PAM: variants seen among roughly 807,000 people sequenced by gnomAD.
The protein encoded by PAM is peptidylglycine alpha-amidating monooxygenase, also known as peptidyl-glycine alpha-amidating monooxygenase.
PAM carries 72 observed loss-of-function variants against 122.1 expected under a neutral mutation model. That is an observed-to-expected ratio of 0.59 (90% CI 0.49 to 0.72). The LOEUF (loss-of-function observed/expected upper bound fraction) is 0.72, where lower values mean the gene tolerates loss of function less well. Ranked by LOEUF, PAM falls within the 30% of genes least tolerant of loss-of-function variation. The pLI is 0.00. For synonymous variants in PAM, 389 were observed against 404.4 expected (o/e 0.96, Z 0.46); for missense variants, 1,106 against 1,183.7 (o/e 0.93, Z 0.96).
At chr5:102,893,822 GTAA>G (rs1795409929) in intron 3 of PAM, among the ~76,000 whole-genome samples, 1 of 151,722 alleles carries the variant, frequency 6.6e-6, no homozygotes, top group South Asian at 2.1e-4. Context: ...TGGAGTCTGT[GTAA>G]TATCAACATT....
chr5:102,861,465 G>T (rs771876951), intron 1 of PAM, among the ~76,000 whole-genome samples: 2 of 152,188 alleles, frequency 1.3e-5, no homozygotes, highest in African/African-American at 4.8e-5. Context: ...TAGCTAGCCT[G>T]TAATCTTCCA....
chr5:103,005,556 A>G (rs1311405068), intron 18 of PAM, among the ~76,000 whole-genome samples: 1 of 152,164 alleles, frequency 6.6e-6, no homozygotes, highest in Non-Finnish European at 1.5e-5. Context: ...GGCCAGAGAG[A>G]TAAGAGTGAC....
At chr5:102,924,886 C>T in intron 5 of PAM, 71 bp from the exon 6 acceptor site, 2 of 831,238 alleles carry the variant, frequency 2.4e-6, no homozygotes, top group East Asian at 2.4e-5. Flanking sequence ...CCCATCACCT[C>T]CCACCATGGG....
At chr5:103,022,001 G>A (rs1272368222) in intron 23 of PAM, among the ~76,000 whole-genome samples, 1 of 151,510 alleles carries the variant, frequency 6.6e-6, no homozygotes, top group East Asian at 1.9e-4. Context: ...AATTTCAGAT[G>A]ATAAAAAAAA....
At chr5:102,841,933 G>A (rs1018975861) in intron 1 of PAM, among the ~76,000 whole-genome samples, 4 of 152,066 alleles carry the variant, frequency 2.6e-5, no homozygotes, top group African/African-American at 7.2e-5. Context: ...AAATTTATAG[G>A]TAAGTAGCAT....
chr5:102,792,062 T>C (rs1238871774), intron 1 of PAM, among the ~76,000 whole-genome samples: 1 of 152,118 alleles, frequency 6.6e-6, no homozygotes, highest in Non-Finnish European at 1.5e-5. Flanking sequence ...TACAGCAGAG[T>C]GTTTGACAAA....
Position 102,845,238 on chromosome 5 carries a change from G to C in PAM, c.-373-20585G>C, listed in dbSNP as rs541763318. On this transcript the variant is annotated intron_variant, in intron 1 of 25. Transcript: ENST00000438793. ...TAGGATGCTGCACATGAGATGAGAG[G>C]AGGGGCACATGAAATGAGAGACAAA... Among the ~76,000 whole-genome samples, 3 of 152,324 alleles carry C rather than the reference G, an allele frequency of 2.0e-5. No homozygotes were observed. In the South Asian group the frequency reaches 6.2e-4, roughly 32 times the overall value.
At chr5:102,839,235 A>G (rs1357981908) in intron 1 of PAM, among the ~76,000 whole-genome samples, 1 of 152,172 alleles carries the variant, frequency 6.6e-6, no homozygotes, top group Non-Finnish European at 1.5e-5. Flanking sequence ...TAGAATCATT[A>G]TTTCTTTTTC....
chr5:102,931,802 A>AAT (rs1300712421), intron 7 of PAM, among the ~76,000 whole-genome samples: 16 of 142,564 alleles, frequency 1.1e-4, no homozygotes, highest in African/African-American at 4.1e-4. Context: ...AACAACAAAC[A>AAT]ACACACTCTC....
At chr5:102,813,981 G>A (rs1004486989) in intron 1 of PAM, among the ~76,000 whole-genome samples, 2 of 152,262 alleles carry the variant, frequency 1.3e-5, no homozygotes, top group Non-Finnish European at 2.9e-5. Flanking sequence ...CATACCTGTT[G>A]CTTACTGTTT....
Position 102,776,678 on chromosome 5 carries a change from C to T in PAM, c.-374+21330C>T, listed in dbSNP as rs569214247. 2.0e-5 allele frequency among the ~76,000 whole-genome samples: 3 copies of T among 152,070 alleles called. No homozygotes were observed. The South Asian group carries it at 6.2e-4, about 32-fold the overall frequency. On this transcript the variant is annotated intron_variant, in intron 1 of 25. Coordinates refer to ENST00000438793, the MANE Select transcript of PAM (RefSeq NM_001177306.2). The stretch of plus-strand genomic sequence containing the variant: ...GGTAAAGAAACAGATAAAATTTACT[C>T]TCTTAACCATTTTTAAATGTACAGG...
intron 1 of PAM, among the ~76,000 whole-genome samples, chr5:102,834,855 T>C (rs937186159): frequency 1.3e-5 from 2 of 151,168 alleles, no homozygotes; most frequent in African/African-American, 4.9e-5. Flanking sequence ...TGAGAACAGA[T>C]TGTAAGGTAC....
intron 14 of PAM, among the ~76,000 whole-genome samples, chr5:102,969,775 A>G (rs1164675530): frequency 6.6e-6 from 1 of 152,172 alleles, no homozygotes; most frequent in Non-Finnish European, 1.5e-5. Context: ...TCCAGAAGAC[A>G]GTTTTGTAAC....
chr5:102,961,291 A>G, intron 14 of PAM, 62 bp downstream of exon 14: 1 of 863,060 alleles, frequency 1.2e-6, no homozygotes, highest in Non-Finnish European at 2.0e-6. Flanking sequence ...TAGGCAACCA[A>G]ATTGTAAAGT....
intron 1 of PAM, among the ~76,000 whole-genome samples, chr5:102,813,302 A>T (rs1768533633): frequency 6.6e-6 from 1 of 152,240 alleles, no homozygotes; most frequent in Non-Finnish European, 1.5e-5. Context: ...AAATAGAAGC[A>T]GACTTCAAAA....
chr5:102,830,855 A>G (rs1775225230), intron 1 of PAM, among the ~76,000 whole-genome samples: 1 of 151,832 alleles, frequency 6.6e-6, no homozygotes, highest in Non-Finnish European at 1.5e-5. Flanking sequence ...TGTGATAGGA[A>G]CATTAGACTT....
chr5:102,831,774 A>G (rs958376535), intron 1 of PAM, among the ~76,000 whole-genome samples: 2 of 152,142 alleles, frequency 1.3e-5, no homozygotes, highest in Admixed American at 6.5e-5. Flanking sequence ...AAAATTTACT[A>G]CTATGCTAAT....
intron 14 of PAM, 66 bp from the exon 15 acceptor site, chr5:102,974,050 C>A: frequency 3.7e-6 from 4 of 1,093,442 alleles, no homozygotes; most frequent in Non-Finnish European, 5.3e-6. Context: ...TTTAAAGCAC[C>A]AAATTTTGTA....
chr5:102,957,589 C>G (rs946803426), intron 12 of PAM, among the ~76,000 whole-genome samples: 1 of 151,614 alleles, frequency 6.6e-6, no homozygotes, highest in African/African-American at 2.4e-5. Flanking sequence ...AGTGCAGTGG[C>G]GTGAGATCTC....
Sources: allele counts gnomAD v4.1 joint callset (sites outside exome capture counted in the v4.1 genomes callset), GRCh38; gene constraint gnomAD v4.1.1; transcripts MANE v1.5; gene names NCBI Gene and HGNC (gene_info 2026-07-23, HGNC 2026-07-21).